Variants in EYS observed in about 807,000 individuals in gnomAD.
EYS encodes the protein EGF-like photoreceptor maintenance factor, also known as protein eyes shut homolog.
Under a neutral mutation model 282.1 loss-of-function variants are expected in EYS, and 250 were observed. That is an observed-to-expected ratio of 0.89 (90% confidence interval 0.80 to 0.98). EYS has a LOEUF of 0.98. Ranked by LOEUF, EYS falls within the 50% of genes least tolerant of loss-of-function variation. EYS has a pLI of 0.00. For missense variants in EYS, 4,016 were observed against 3,709.0 expected, an observed-to-expected ratio of 1.08 and a Z score of -2.15; for synonymous variants, 1,355 against 1,282.9, an observed-to-expected ratio of 1.06 and a Z score of -1.20.
At chr6:64,766,069 A>T (rs1773323430) in intron 22 of EYS, among the ~76,000 whole-genome samples, 1 of 151,854 alleles carries the variant, frequency 6.6e-6, no homozygotes, top group South Asian at 2.1e-4. Flanking sequence ...ATTTGTAAAA[A>T]AAACATGCCA....
chr6:65,405,385 C>CGAG lies in EYS; in HGVS notation c.863-19_863-18insCTC. The CGAG allele has an allele frequency of 1.5e-6, 2 of 1,343,602 alleles. No homozygotes were observed. The highest frequency in any genetic ancestry group is 2.4e-5 in the Admixed American group (1 of 41,200). 83.2% of individuals were successfully genotyped at this position (1,343,602 alleles called of 1,614,324 possible). ...GAATGGACCTTAAAAAAATCACACA[C>CGAG]AAGAAAAAAAAAGAAAAGGAAGGAA... On this transcript the variant is annotated intron_variant, in intron 5 of 42. Transcript: ENST00000503581.
intron 14 of EYS, among the ~76,000 whole-genome samples, chr6:64,948,399 G>T (rs1328366276): frequency 1.3e-5 from 2 of 148,988 alleles, no homozygotes; most frequent in African/African-American, 4.9e-5. Context: ...CCTTAAATTT[G>T]CACTGGTCAA....
chr6:65,070,910 A>T lies in EYS; in HGVS notation c.2024-13183T>A, dbSNP rs142170129. Among the ~76,000 whole-genome samples, 23 of 151,994 alleles carry T rather than the reference A, an allele frequency of 1.5e-4. No homozygotes were observed. The East Asian group carries it at 4.3e-3, about 28-fold the overall frequency. ...TACTAAAAGCATAGTATAATAATAA[A>T]CTCAGGATAAAATGGATGATAATAT... On this transcript the variant is annotated intron_variant, in intron 12 of 42. Transcript: ENST00000503581.
chr6:65,550,054 C>A (rs76718709), intron 2 of EYS, among the ~76,000 whole-genome samples: 9 of 151,774 alleles, frequency 5.9e-5, no homozygotes, highest in African/African-American at 2.2e-4. Context: ...TTTGTCCACT[C>A]CCATCCATTA....
At position 65,223,441 on chromosome 6, in the gene EYS, A is replaced by C. The variant is rs184231103; in HGVS notation, c.2023+72422T>G. On this transcript the variant is annotated intron_variant, in intron 12 of 42. Coordinates refer to ENST00000503581, the MANE Select transcript of EYS (RefSeq NM_001142800.2). ...TTAACAAGAGAACATATGACATTTT[A>C]ACTTACCTTCTATCATCTTCCAGTC... Among the ~76,000 whole-genome samples, 138 of 152,292 alleles carry C rather than the reference A, an allele frequency of 9.1e-4. No homozygotes were observed. The Middle Eastern group carries it at 0.017, about 19-fold the overall frequency.
In EYS at chr6:64,826,001, C is replaced by G. The variant is rs528624298; in HGVS notation, c.2993-3179G>C. On this transcript the variant is annotated intron_variant, in intron 19 of 42. Coordinates refer to ENST00000503581, the MANE Select transcript of EYS (RefSeq NM_001142800.2). The stretch of plus-strand genomic sequence containing the variant: ...ATAACAATGCTTTGACATAGCACAT[C>G]TAAAAGAAATAATAGTATTTATTAG... Among the ~76,000 whole-genome samples the G allele has an allele frequency of 3.3e-5, 5 of 151,854 alleles. No individual in the cohort carries two copies. In the South Asian group the frequency reaches 1.0e-3, roughly 32 times the overall value.
intron 12 of EYS, among the ~76,000 whole-genome samples, chr6:65,273,522 G>T (rs1218553539): frequency 6.6e-6 from 1 of 152,166 alleles, no homozygotes; most frequent in African/African-American, 2.4e-5. Context: ...TCTCCGGAAA[G>T]GCAAGGCCAA....
intron 37 of EYS, among the ~76,000 whole-genome samples, chr6:63,804,924 G>A (rs1770865924): frequency 6.6e-6 from 1 of 152,122 alleles, no homozygotes; most frequent in Admixed American, 6.6e-5. Context: ...AATTTTGGAG[G>A]TAGAATGAAT....
At chr6:64,697,932 C>T (rs1403926603) in intron 22 of EYS, among the ~76,000 whole-genome samples, 3 of 151,898 alleles carry the variant, frequency 2.0e-5, no homozygotes, top group African/African-American at 7.3e-5. Context: ...CAGAACAAGA[C>T]TCCGTCTCAA....
chr6:65,156,703 C>T (rs1764737859), intron 12 of EYS, among the ~76,000 whole-genome samples: 1 of 151,020 alleles, frequency 6.6e-6, no homozygotes, highest in African/African-American at 2.4e-5. Flanking sequence ...CAGACCATTT[C>T]CCTCTGATAT....
Position 65,347,407 on chromosome 6 carries a change from G to T in EYS, c.1460-3230C>A, listed in dbSNP as rs1336430268. Among the ~76,000 whole-genome samples the T allele has an allele frequency of 2.0e-5, 3 of 151,482 alleles. No homozygotes were observed. In the East Asian group the frequency reaches 5.8e-4, roughly 30 times the overall value. ...TATTCTCGATCCTAATCTATCTTTTGTGAAGTAAAATGTTTGTGCAGTGTT... is the reference window on the plus strand; with the variant it reads ...TATTCTCGATCCTAATCTATCTTTTTTGAAGTAAAATGTTTGTGCAGTGTT... On this transcript the variant is annotated intron_variant, in intron 9 of 42. Transcript: ENST00000503581.
In EYS at chr6:63,951,975, A is replaced by C. The variant is rs913832408; in HGVS notation, c.7055+32408T>G. ...CTCCCGACATTAAATAAAGCTCCAAAAATTAGATTCCAGCCCTCAAACCCC... is the reference window on the plus strand; with the variant it reads ...CTCCCGACATTAAATAAAGCTCCAACAATTAGATTCCAGCCCTCAAACCCC... On this transcript the variant is annotated intron_variant, in intron 35 of 42. Transcript: ENST00000503581. 2.6e-5 allele frequency among the ~76,000 whole-genome samples: 4 copies of C among 152,160 alleles called. No homozygotes were observed. The East Asian group carries it at 7.7e-4, about 29-fold the overall frequency.
intron 31 of EYS, among the ~76,000 whole-genome samples, chr6:64,145,789 CCT>C (rs1774496900): frequency 6.8e-6 from 1 of 147,992 alleles, no homozygotes. Context: ...AAGATCTGCT[CCT>C]CTTTATTCCT....
chr6:65,020,090 G>A (rs574640409), intron 13 of EYS, among the ~76,000 whole-genome samples: 2 of 152,158 alleles, frequency 1.3e-5, no homozygotes, highest in African/African-American at 4.8e-5. Context: ...AGATTTGGGT[G>A]GGGAGACAGC....
At chr6:64,654,148 T>C (rs1768665541) in intron 22 of EYS, among the ~76,000 whole-genome samples, 2 of 152,202 alleles carry the variant, frequency 1.3e-5, no homozygotes, top group Admixed American at 6.5e-5. Flanking sequence ...ACAGACATTA[T>C]TGGAAACAGC....
At position 64,686,882 on chromosome 6, in the gene EYS, TAC is replaced by T. The variant is rs1562134122; in HGVS notation, c.3444-60639_3444-60638del. Among the ~76,000 whole-genome samples the T allele has an allele frequency of 3.0e-5, 3 of 98,982 alleles. 1 individual carries two copies. The highest frequency in any genetic ancestry group is 1.0e-4 in the African/African-American group (3 of 29,128). 64.9% of individuals were successfully genotyped at this position (98,982 alleles called of 152,430 possible). ...GTATATATATACGTGTATATATATA[TAC>T]ACACACATATATATGTGTATATATA... On this transcript the variant is annotated intron_variant, in intron 22 of 42. Coordinates refer to ENST00000503581, the MANE Select transcript of EYS (RefSeq NM_001142800.2).
chr6:64,962,662 C>T (rs749244770), intron 14 of EYS, among the ~76,000 whole-genome samples: 3 of 151,892 alleles, frequency 2.0e-5, no homozygotes, highest in Non-Finnish European at 2.9e-5. Flanking sequence ...GCTTGAGGGA[C>T]GCTTGAGCCC....
At position 64,772,568 on chromosome 6, in the gene EYS, C is replaced by T. The variant is rs563651105; in HGVS notation, c.3443+40810G>A. Among the ~76,000 whole-genome samples the T allele has an allele frequency of 3.3e-5, 5 of 151,738 alleles. No individual in the cohort carries two copies. In the South Asian group the frequency reaches 6.2e-4, roughly 19 times the overall value. On this transcript the variant is annotated intron_variant, in intron 22 of 42. Transcript: ENST00000503581. ...TACAGTAAACTACTGTTGACTGTAGCCATGCTGTTGTGCTATCAAATACTA... is the reference window on the plus strand; with the variant it reads ...TACAGTAAACTACTGTTGACTGTAGTCATGCTGTTGTGCTATCAAATACTA...
At chr6:64,668,391 T>C (rs890568930) in intron 22 of EYS, among the ~76,000 whole-genome samples, 1 of 152,154 alleles carries the variant, frequency 6.6e-6, no homozygotes, top group African/African-American at 2.4e-5. Context: ...GGTGTAGACA[T>C]TGGAAAAGGT....
Sources: allele counts gnomAD v4.1 joint callset (sites outside exome capture counted in the v4.1 genomes callset), GRCh38; gene constraint gnomAD v4.1.1; transcripts MANE v1.5; gene names NCBI Gene and HGNC (gene_info 2026-07-23, HGNC 2026-07-21).